Variants in HERC3 observed in about 807,000 individuals in gnomAD.
The protein encoded by HERC3 is probable E3 ubiquitin-protein ligase HERC3.
Under a neutral mutation model 129.9 loss-of-function variants are expected in HERC3, and 58 were observed. That is an observed-to-expected ratio of 0.45 (90% confidence interval 0.36 to 0.56). The LOEUF (loss-of-function observed/expected upper bound fraction) is 0.56. Among genes scored for constraint, HERC3 ranks in the 20% least tolerant of loss-of-function variants. The pLI is 0.00. For missense variants in HERC3, 835 were observed against 1,244.2 expected (o/e 0.67, Z 4.95); for synonymous variants, 430 against 451.0 (o/e 0.95, Z 0.59).
At chr4:88,599,412 T>G (rs1722747415) in intron 2 of HERC3, among the ~76,000 whole-genome samples, 1 of 152,230 alleles carries the variant, frequency 6.6e-6, no homozygotes, top group African/African-American at 2.4e-5. Context: ...AATTGAAGAT[T>G]CCATTACTGT....
chr4:88,580,584 A>C, the HERC3 span, among the ~76,000 whole-genome samples: 3 of 152,116 alleles, frequency 2.0e-5, no homozygotes, highest in Admixed American at 2.0e-4. Context: ...AATTCTATAT[A>C]CTCTGAATTG....
intron 19 of HERC3, 134 bp downstream of exon 19, chr4:88,678,268 CT>C (rs1287901500): frequency 5.6e-6 from 4 of 716,066 alleles, no homozygotes; most frequent in African/African-American, 3.6e-5. Context: ...ATTTAATCAC[CT>C]ACTTTTGTCA....
At chr4:88,676,189 T>C in intron 16 of HERC3, 29 bp from the exon 17 acceptor site, 1 of 1,495,854 alleles carries the variant, frequency 6.7e-7, no homozygotes, top group Non-Finnish European at 9.2e-7. Flanking sequence ...ACAATTTAAG[T>C]AAGAGACTTT....
chr4:88,673,106 T>C (rs1211021492), intron 16 of HERC3, among the ~76,000 whole-genome samples: 2 of 152,070 alleles, frequency 1.3e-5, no homozygotes, highest in African/African-American at 4.8e-5. Flanking sequence ...AGTGAATGAG[T>C]GGTGGGCTCC....
At chr4:88,630,853 C>A (rs1726665327) in intron 3 of HERC3, among the ~76,000 whole-genome samples, 2 of 151,970 alleles carry the variant, frequency 1.3e-5, no homozygotes, top group Non-Finnish European at 2.9e-5. Context: ...TAGATTATGC[C>A]ACGGTTGGCA....
chr4:88,651,992 GA>G lies in HERC3; in HGVS notation c.387-17del. The G allele has an allele frequency of 6.4e-7, 1 of 1,550,950 alleles. No homozygotes were observed. The highest frequency in any genetic ancestry group is 8.9e-7 in the Non-Finnish European group (1 of 1,125,494). ...TGTGTGTGAATATCTATCTGAAAAA[GA>G]AAGCCTTTTCTGTTTTAGGTTAATA... On this transcript the variant is annotated intron_variant, in intron 4 of 25. Transcript: ENST00000402738.
At chr4:88,698,881 C>G (rs1487875158) in intron 23 of HERC3, among the ~76,000 whole-genome samples, 2 of 147,838 alleles carry the variant, frequency 1.4e-5, no homozygotes, top group Admixed American at 1.3e-4. Flanking sequence ...CTTCCTCACC[C>G]TCTTCTTCCC....
chr4:88,629,965 T>C (rs1432442280), intron 3 of HERC3, among the ~76,000 whole-genome samples: 3 of 152,174 alleles, frequency 2.0e-5, no homozygotes, highest in African/African-American at 7.2e-5. Flanking sequence ...TTTAGGTCAG[T>C]CTATGGGTAT....
chr4:88,676,184 TTAAG>T (rs750309887), intron 16 of HERC3, 30 bp from the exon 17 acceptor site: 28 of 1,478,680 alleles, frequency 1.9e-5, no homozygotes, highest in African/African-American at 2.8e-5. Flanking sequence ...GGTTTACAAT[TTAAG>T]TAAGAGACTT....
intron 3 of HERC3, among the ~76,000 whole-genome samples, chr4:88,619,286 A>C (rs1451341071): frequency 6.6e-6 from 1 of 152,206 alleles, no homozygotes; most frequent in Non-Finnish European, 1.5e-5. Context: ...ACTTTGACTT[A>C]TTTTTAGTCA....
At chr4:88,550,344 G>C in the HERC3 span, among the ~76,000 whole-genome samples, 6 of 152,206 alleles carry the variant, frequency 3.9e-5, no homozygotes, top group African/African-American at 1.4e-4. Flanking sequence ...AAGTCAAACT[G>C]TCCCTGTTTG....
chr4:88,662,366 A>G, intron 10 of HERC3, 65 bp from the exon 11 acceptor site: 1 of 1,467,528 alleles, frequency 6.8e-7, no homozygotes, highest in Non-Finnish European at 9.3e-7. Context: ...ATGTGGGAGA[A>G]AGGAGAGGAG....
chr4:88,590,199 T>C (rs1721627050), upstream of HERC3, among the ~76,000 whole-genome samples: 1 of 148,392 alleles, frequency 6.7e-6, no homozygotes, highest in Admixed American at 6.7e-5. Flanking sequence ...GCCGGGGAGG[T>C]GGATGTTGCA....
At chr4:88,672,978 G>A (rs904112920) in intron 16 of HERC3, among the ~76,000 whole-genome samples, 1 of 152,188 alleles carries the variant, frequency 6.6e-6, no homozygotes, top group Non-Finnish European at 1.5e-5. Context: ...ACACATGTGT[G>A]CAGAAGGAAC....
chr4:88,662,630 A>G, intron 11 of HERC3, 75 bp downstream of exon 11: 1 of 1,431,658 alleles, frequency 7.0e-7, no homozygotes, highest in South Asian at 1.3e-5. Flanking sequence ...GATTTTCCGT[A>G]CTTGCATATT....
the HERC3 span, among the ~76,000 whole-genome samples, chr4:88,569,039 C>T: frequency 1.3e-5 from 2 of 152,094 alleles, no homozygotes; most frequent in Non-Finnish European, 2.9e-5. Context: ...AGGACCTGCC[C>T]AGGAATTACA....
chr4:88,636,810 A>C (rs910976919), intron 3 of HERC3, among the ~76,000 whole-genome samples: 1 of 152,246 alleles, frequency 6.6e-6, no homozygotes, highest in Non-Finnish European at 1.5e-5. Context: ...AGTGCAATCA[A>C]ATTAGAAATC....
At chr4:88,551,848 G>A in the HERC3 span, among the ~76,000 whole-genome samples, 139 of 152,124 alleles carry the variant, frequency 9.1e-4, no homozygotes, top group Non-Finnish European at 1.4e-3. Context: ...TGTTTATTGC[G>A]GCACTATTCA....
chr4:88,606,699 C>T (rs745704110), intron 3 of HERC3, among the ~76,000 whole-genome samples: 1 of 152,124 alleles, frequency 6.6e-6, no homozygotes, highest in South Asian at 2.1e-4. Flanking sequence ...GGGAGACTCC[C>T]ATTTTTAAAA....
Sources: gnomAD v4.1 joint callset for allele counts (sites outside exome capture counted in the v4.1 genomes callset) on GRCh38, gnomAD v4.1.1 for gene constraint, MANE v1.5 for transcripts, NCBI Gene and HGNC (gene_info 2026-07-23, HGNC 2026-07-21) for gene names.